ITGAL: variants seen among roughly 807,000 people sequenced by gnomAD.
ITGAL encodes the protein integrin alpha-L.
ITGAL carries 68 observed loss-of-function variants against 138.4 expected under a neutral mutation model. The ratio of observed to expected loss-of-function variants is 0.49; its 90% CI spans 0.40 to 0.60. ITGAL has a LOEUF of 0.60. Among genes scored for constraint, ITGAL ranks in the 20% least tolerant of loss-of-function variants. ITGAL has a pLI of 0.00. For synonymous variants in ITGAL, 561 were observed against 584.3 expected (o/e 0.96, Z 0.57); for missense variants, 1,256 against 1,478.6 (o/e 0.85, Z 2.47).
In ITGAL at chr16:30,486,517, T is replaced by A. The variant is rs1048235826; in HGVS notation, c.1006+2254T>A. ...AAGTGATTTTTTAAAAAAAAGTTTTTAAAAAAAACTCACTCTCAACTGGCT... is the reference window on the plus strand; with the variant it reads ...AAGTGATTTTTTAAAAAAAAGTTTTAAAAAAAAACTCACTCTCAACTGGCT... On this transcript the variant is annotated intron_variant, in intron 9 of 30. Transcript: ENST00000356798. 1.4e-4 allele frequency among the ~76,000 whole-genome samples: 21 copies of A among 151,810 alleles called. No homozygotes were observed. The South Asian group carries it at 1.5e-3, about 11-fold the overall frequency.
chr16:30,493,109 A>G (rs1487470427), intron 11 of ITGAL, among the ~76,000 whole-genome samples: 1 of 151,758 alleles, frequency 6.6e-6, no homozygotes, highest in Non-Finnish European at 1.5e-5. Context: ...CTGGTCTCAA[A>G]CTTCTGGCCT....
At chr16:30,499,711 A>ATGCATATATATGTGTATATATATATATG (rs2050859250) in intron 17 of ITGAL, among the ~76,000 whole-genome samples, 1 of 93,828 alleles carries the variant, frequency 1.1e-5, no homozygotes, top group Non-Finnish European at 1.9e-5. Context: ...ATATATATAT[A>ATGCATATATATGTGTATATATATATATG]TGTATATATA....
rs1188249286 is a variant in ITGAL at position 30,510,579 on chromosome 16, T to A, written c.2619+108T>A. The A allele has an allele frequency of 4.2e-6, 3 of 721,150 alleles. No homozygotes were observed. The African/African-American group carries it at 5.3e-5, about 13-fold the overall frequency. The allele number at this position is 721,150 out of a possible 1,614,324, so 44.7% of individuals were successfully genotyped here. On this transcript the variant is annotated intron_variant, in intron 22 of 30. Coordinates refer to ENST00000356798, the MANE Select transcript of ITGAL (RefSeq NM_002209.3). ...GGGAGCAGGTGATTGTCAAGAAGGG[T>A]GTACCTTGCCCCTACCTAAGAGAAA...
rs569321325 is a variant in ITGAL, at chr16:30,496,540, G to T, written c.1806G>T (p.Gly602=). The change falls in exon 15 of 31, where the codon GGG becomes GGT. Residue 602 remains glycine (G), a synonymous_variant. Transcript: ENST00000356798. The part of the protein sequence containing the change: ...EGDGLADVAV[G]AESQMIVLSS... The stretch of plus-strand genomic sequence containing the variant: ...ATGGCTTGGCAGATGTGGCTGTGGG[G>T]GCTGAGAGCCAGATGATCGTGCTGA... The T allele has an allele frequency of 1.2e-5, 19 of 1,613,876 alleles. No individual in the cohort carries two copies. Among genetic ancestry groups the T allele is most frequent in the Non-Finnish European group, 4.2e-6 (5 of 1,179,880 alleles).
chr16:30,476,756 C>T lies in ITGAL; in HGVS notation c.327+1176C>T, dbSNP rs368365316. Among the ~76,000 whole-genome samples the T allele has an allele frequency of 2.1e-4, 32 of 152,046 alleles. No homozygotes were observed. The East Asian group carries it at 5.2e-3, about 25-fold the overall frequency. On this transcript the variant is annotated intron_variant, in intron 4 of 30. Transcript: ENST00000356798. ...CAAACGATTCTCCTGCCTCAGCCTC[C>T]GGAGTAGCTGGGATTACAGGCGTGT...
chr16:30,504,070 C>G, intron 17 of ITGAL, 105 bp from the exon 18 acceptor site: 1 of 880,412 alleles, frequency 1.1e-6, no homozygotes, highest in Non-Finnish European at 1.9e-6. Context: ...AGACAAAGAA[C>G]TACCAGAATT....
rs1350027313 is a variant in ITGAL at position 30,517,007 on chromosome 16, T to C, written c.2897T>C (p.Ile966Thr). ...CAGCCTTCCATCCACGACCACAACA[T>C]ACCCACCCTGGAGGCTGTGGTTGGG... ...RIQPSIHDHN[I>T]PTLEAVVGVP... Residue 966 changes from isoleucine (I) to threonine (T), a missense_variant, in exon 26 of 31, where the codon ATA becomes ACA. Transcript: ENST00000356798. 1.9e-6 allele frequency: 3 copies of C among 1,613,158 alleles called. No individual in the cohort carries two copies. The highest frequency in any genetic ancestry group is 1.3e-5 in the African/African-American group (1 of 74,876).
At chr16:30,506,986 A>G in intron 21 of ITGAL, 130 bp downstream of exon 21, 2 of 985,986 alleles carry the variant, frequency 2.0e-6, no homozygotes, top group Middle Eastern at 3.2e-4. Context: ...TTAGGGTCAT[A>G]TCTGGGTTCC....
chr16:30,513,525 A>G (rs2051121005), intron 24 of ITGAL, among the ~76,000 whole-genome samples: 1 of 152,126 alleles, frequency 6.6e-6, no homozygotes, highest in Non-Finnish European at 1.5e-5. Context: ...CGCAGTGGGG[A>G]GGACATAGCC....
chr16:30,505,942 A>G (rs1387680095), intron 20 of ITGAL, among the ~76,000 whole-genome samples: 1 of 152,170 alleles, frequency 6.6e-6, no homozygotes. Flanking sequence ...TCAGTAAATG[A>G]GATTGCAAGA....
intron 25 of ITGAL, among the ~76,000 whole-genome samples, chr16:30,514,252 A>G (rs1170367854): frequency 6.6e-6 from 1 of 151,350 alleles, no homozygotes; most frequent in African/African-American, 2.4e-5. Flanking sequence ...CTGAGATTAC[A>G]GGCATCCACC....
Position 30,494,451 on chromosome 16 carries a change from A to G in ITGAL, c.1365+88A>G. Reference sequence around the variant, plus strand: ...CTGTCCTTTGAATGCTCATCCACTTACCATGTGGCAGCCCCTGTGCTAAAC... The same window carrying G: ...CTGTCCTTTGAATGCTCATCCACTTGCCATGTGGCAGCCCCTGTGCTAAAC... On this transcript the variant is annotated intron_variant, in intron 12 of 30. Coordinates refer to ENST00000356798, the MANE Select transcript of ITGAL (RefSeq NM_002209.3). The surrounding 1 kb of genome is among the most constrained non-coding windows in gnomAD (Gnocchi z 4.2). The G allele has an allele frequency of 7.4e-7, 1 of 1,351,322 alleles. No homozygotes were observed. Among genetic ancestry groups the G allele is most frequent in the Non-Finnish European group, 1.0e-6 (1 of 995,314 alleles). The allele number at this position is 1,351,322 out of a possible 1,614,324, so 83.7% of individuals were successfully genotyped here. A position where few individuals can be genotyped will look rare whatever the true frequency, so the allele number is the denominator to read the frequency against.
chr16:30,511,778 A>G (rs1371695466), intron 24 of ITGAL, among the ~76,000 whole-genome samples: 1 of 152,214 alleles, frequency 6.6e-6, no homozygotes, highest in East Asian at 1.9e-4. Context: ...GGAAGGAACC[A>G]TGGGGATCGC....
chr16:30,495,306 C>G (rs948419116), intron 13 of ITGAL, among the ~76,000 whole-genome samples: 2 of 151,920 alleles, frequency 1.3e-5, no homozygotes, highest in African/African-American at 4.8e-5. Flanking sequence ...ATTACAGGTG[C>G]CTGCCGCCAC....
intron 11 of ITGAL, among the ~76,000 whole-genome samples, chr16:30,491,553 A>G (rs564462721): frequency 2.2e-4 from 34 of 152,296 alleles, no homozygotes; most frequent in African/African-American, 7.7e-4. Flanking sequence ...CAGTTTAGCT[A>G]TCACTAGTGT....
rs1404067378 is a variant in ITGAL at position 30,504,197 on chromosome 16, C to G, written c.2168C>G (p.Ser723Cys). The change falls in exon 18 of 31, where the codon TCC becomes TGC. Residue 723 changes from serine to cysteine, a missense_variant. This residue lies in a region of ITGAL where 867 missense variants were observed against 972.5 expected (regional missense o/e 0.89). Transcript: ENST00000356798. Reference protein sequence around the residue: ...HFPVCVQDLISPINVSLNFSL... With the variant: ...HFPVCVQDLICPINVSLNFSL... ...CAGGTATGTGTTCAAGACCTCATCT[C>G]CCCCATCAATGTTTCCCTGAATTTC... 1 of 1,613,514 alleles carries G rather than the reference C, an allele frequency of 6.2e-7. No individual in the cohort carries two copies. Among genetic ancestry groups the G allele is most frequent in the African/African-American group, 1.3e-5 (1 of 75,006 alleles).
At chr16:30,473,325 C>T (rs925025408) in intron 1 of ITGAL, among the ~76,000 whole-genome samples, 38 of 152,154 alleles carry the variant, frequency 2.5e-4, no homozygotes, top group African/African-American at 8.7e-4. Flanking sequence ...CCCAGCTACT[C>T]GGGAGGCTGA....
intron 6 of ITGAL, chr16:30,481,076 T>C (rs1307843232): frequency 4.5e-6 from 1 of 222,924 alleles, no homozygotes; most frequent in African/African-American, 2.5e-5. Flanking sequence ...CTGAGGCAGG[T>C]GGATCACCTG....
intron 25 of ITGAL, 88 bp downstream of exon 25, chr16:30,513,934 G>A (rs963842916): frequency 2.1e-6 from 2 of 967,936 alleles, no homozygotes; most frequent in Non-Finnish European, 3.3e-6. Context: ...AGTAGACACA[G>A]TACTCATCCT....
Sources: gnomAD v4.1 joint callset for allele counts (sites outside exome capture counted in the v4.1 genomes callset) on GRCh38, gnomAD v4.1.1 for gene constraint, gnomAD v4.1.1 regional missense constraint, Gnocchi (gnomAD v3.1) non-coding constraint, MANE v1.5 for transcripts, NCBI Gene and HGNC (gene_info 2026-07-23, HGNC 2026-07-21) for gene names.